ANKRD30B: variants seen among roughly 807,000 people sequenced by gnomAD.
ANKRD30B encodes ankyrin repeat domain-containing protein 30B.
A neutral mutation model predicts 202.2 loss-of-function variants in ANKRD30B; 144 were observed. The ratio of observed to expected loss-of-function variants is 0.71; its 90% CI spans 0.62 to 0.82. The LOEUF (loss-of-function observed/expected upper bound fraction) is 0.82. ANKRD30B is among the 40% of genes least tolerant of loss of function. The pLI, the probability that ANKRD30B is intolerant of heterozygous loss-of-function variation, is 0.00. For synonymous variants in ANKRD30B, 508 were observed against 561.3 expected (o/e 0.91, Z 1.34); for missense variants, 1,487 against 1,669.1 (o/e 0.89, Z 1.90).
chr18:14,810,112 C>G lies in ANKRD30B; in HGVS notation c.2420C>G (p.Thr807Ser). The part of the protein sequence containing the change: ...SPDKDGLLKP[T>S]CVRKVSLPNK... ...TGTGTTTCCAAACCCATTTAGCCTA[C>G]CTGTGTAAGGAAAGTTTCTCTTCCA... is the stretch of plus-strand genomic sequence containing the variant. Residue 807 changes from threonine to serine, a missense_variant, in exon 28 of 44, where the codon ACC becomes AGC. Physicochemically the swap from Thr to Ser is moderately conservative, Grantham distance 58. Transcript: ENST00000690538. 1 of 1,495,682 alleles carries G rather than the reference C, an allele frequency of 6.7e-7. No individual in the cohort carries two copies. The highest frequency in any genetic ancestry group is 1.2e-5 in the South Asian group (1 of 84,576). The allele number at this position is 1,495,682 out of a possible 1,614,324, so 92.7% of individuals were successfully genotyped here.
chr18:14,777,349 G>A (rs533394120), intron 9 of ANKRD30B, among the ~76,000 whole-genome samples: 5 of 151,942 alleles, frequency 3.3e-5, no homozygotes, highest in South Asian at 4.2e-4. Context: ...CCATGCTGGA[G>A]TGCAGTGGAG....
intron 3 of ANKRD30B, among the ~76,000 whole-genome samples, chr18:14,753,669 C>T (rs567338188): frequency 1.1e-4 from 17 of 152,040 alleles, no homozygotes; most frequent in African/African-American, 3.9e-4. Flanking sequence ...TCTAGAATTT[C>T]GAAGACTTTT....
intron 39 of ANKRD30B, 80 bp from the exon 40 acceptor site, chr18:14,848,636 G>A: frequency 8.7e-7 from 1 of 1,143,998 alleles, no homozygotes; most frequent in Non-Finnish European, 1.2e-6. Context: ...GAGTGTATGA[G>A]TTAGTGATTG....
At chr18:14,788,893 C>A (rs1409933616) in intron 15 of ANKRD30B, among the ~76,000 whole-genome samples, 1 of 152,134 alleles carries the variant, frequency 6.6e-6, no homozygotes, top group African/African-American at 2.4e-5. Context: ...GATTTATAGT[C>A]CTTTGGGTAT....
the ANKRD30B span, among the ~76,000 whole-genome samples, chr18:14,938,277 G>T: frequency 6.6e-6 from 1 of 152,206 alleles, no homozygotes; most frequent in Non-Finnish European, 1.5e-5. Flanking sequence ...AAATGCAAAG[G>T]TGTTTTAGAA....
At chr18:14,770,264 G>A (rs139181618) in intron 8 of ANKRD30B, among the ~76,000 whole-genome samples, 1 of 152,026 alleles carries the variant, frequency 6.6e-6, no homozygotes, top group Non-Finnish European at 1.5e-5. Flanking sequence ...GGAATTTTAG[G>A]ATTTTAAGGA....
chr18:14,859,200 C>A (rs1405843360), downstream of ANKRD30B, among the ~76,000 whole-genome samples: 1 of 69,500 alleles, frequency 1.4e-5, no homozygotes, highest in South Asian at 4.9e-4. Context: ...CGCTCCTCAC[C>A]TCCCAGATGA....
intron 14 of ANKRD30B, among the ~76,000 whole-genome samples, chr18:14,785,218 TTAAA>T (rs1248220550): frequency 6.6e-6 from 1 of 152,234 alleles, no homozygotes; most frequent in Non-Finnish European, 1.5e-5. Context: ...TTATGCATGT[TTAAA>T]TATTTTACAA....
chr18:14,877,599 C>A, the ANKRD30B span: 1 of 151,614 alleles, frequency 6.6e-6, no homozygotes, highest in South Asian at 2.1e-4. Context: ...CTTTCCACAG[C>A]CCTGTAAGGA....
rs1915648764 is a variant in ANKRD30B at position 14,763,795 on chromosome 18, G to A, written c.930G>A (p.Val310=). 1 of 1,613,964 alleles carries A rather than the reference G, an allele frequency of 6.2e-7. No homozygotes were observed. Among genetic ancestry groups the A allele is most frequent in the Non-Finnish European group, 8.5e-7 (1 of 1,179,962 alleles). ...CACCTGACGAGGCTGCACGCTTGGTGGAGGGAACGTCTGCCAAAATTCAAT... is the reference window on the plus strand; with the variant it reads ...CACCTGACGAGGCTGCACGCTTGGTAGAGGGAACGTCTGCCAAAATTCAAT... ...EKTPDEAARL[V]EGTSAKIQCL... The change falls in exon 7 of 44, where the codon GTG becomes GTA. Residue 310 remains valine (V), a synonymous_variant. Transcript: ENST00000690538.
At chr18:14,756,599 A>G (rs1358685881) in intron 4 of ANKRD30B, among the ~76,000 whole-genome samples, 1 of 152,228 alleles carries the variant, frequency 6.6e-6, no homozygotes, top group Non-Finnish European at 1.5e-5. Context: ...CACTTTTTAA[A>G]AAATGCAATA....
chr18:14,935,365 T>C, the ANKRD30B span, among the ~76,000 whole-genome samples: 12 of 152,186 alleles, frequency 7.9e-5, 1 homozygote, highest in South Asian at 2.1e-4. Context: ...CTGGGCCTTT[T>C]GTGGCTGCTC....
the ANKRD30B span, among the ~76,000 whole-genome samples, chr18:14,865,121 C>T: frequency 6.6e-6 from 1 of 152,020 alleles, no homozygotes; most frequent in Non-Finnish European, 1.5e-5. Flanking sequence ...TCTTCTCCCC[C>T]TCCATCTACC....
At chr18:14,931,851 GGGCAGAGCAGT>G in the ANKRD30B span, among the ~76,000 whole-genome samples, 1 of 132,114 alleles carries the variant, frequency 7.6e-6, no homozygotes, top group Non-Finnish European at 1.6e-5. Context: ...AACCATTTGA[GGGCAGAGCAGT>G]GGCATTAGTT....
At chr18:14,918,631 A>C in the ANKRD30B span, among the ~76,000 whole-genome samples, 1 of 152,270 alleles carries the variant, frequency 6.6e-6, no homozygotes, top group East Asian at 1.9e-4. Context: ...AATGCAGTGG[A>C]GGACAACATC....
At position 14,796,334 on chromosome 18, in the gene ANKRD30B, C is replaced by A. The variant is rs770619882; in HGVS notation, c.1855-9C>A. ...ATGTATTAATTTTTGTGTTTCCAAA[C>A]CCATTTAGCCTACCTGTGGAAGGAA... On this transcript the variant is annotated splice_polypyrimidine_tract_variant and intron_variant, in intron 17 of 43. Transcript: ENST00000690538. The A allele has an allele frequency of 6.2e-7, 1 of 1,600,070 alleles. No homozygotes were observed. Among genetic ancestry groups the A allele is most frequent in the South Asian group, 1.1e-5 (1 of 89,532 alleles).
At chr18:14,786,069 A>C (rs892844268) in intron 14 of ANKRD30B, among the ~76,000 whole-genome samples, 1 of 151,398 alleles carries the variant, frequency 6.6e-6, no homozygotes. Context: ...AAAAAAAAAA[A>C]AACAGGTAGA....
At chr18:14,869,395 G>A in the ANKRD30B span, among the ~76,000 whole-genome samples, 3 of 151,140 alleles carry the variant, frequency 2.0e-5, no homozygotes, top group African/African-American at 7.3e-5. Context: ...TGTATGACAA[G>A]AAATATGAAA....
chr18:14,773,930 A>C (rs1419587204), intron 9 of ANKRD30B, among the ~76,000 whole-genome samples: 1 of 152,176 alleles, frequency 6.6e-6, no homozygotes, highest in Non-Finnish European at 1.5e-5. Flanking sequence ...CTGGGATTAC[A>C]GCTTGAGCCC....
Sources: allele counts gnomAD v4.1 joint callset (sites outside exome capture counted in the v4.1 genomes callset), GRCh38; gene constraint gnomAD v4.1.1; transcripts MANE v1.5; gene names NCBI Gene and HGNC (gene_info 2026-07-23, HGNC 2026-07-21).